USP22: variants seen among roughly 807,000 people sequenced by gnomAD.
The protein encoded by USP22 is ubiquitin carboxyl-terminal hydrolase 22.
USP22 carries 22 observed loss-of-function variants against 68.1 expected under a neutral mutation model. The observed-to-expected ratio is 0.32, with a 90% CI of 0.23 to 0.46. The LOEUF is 0.46. Among genes scored for constraint, USP22 ranks in the 20% least tolerant of loss-of-function variants. The pLI, the probability that USP22 is intolerant of heterozygous loss-of-function variation, is 1.00. For synonymous variants in USP22, 279 were observed against 274.2 expected, an observed-to-expected ratio of 1.02 and a Z score of -0.17; for missense variants, 433 against 695.8, an observed-to-expected ratio of 0.62 and a Z score of 4.25.
intron 2 of USP22, among the ~76,000 whole-genome samples, chr17:21,022,083 G>C (rs1046487688): frequency 1.3e-5 from 2 of 152,112 alleles, no homozygotes; most frequent in African/African-American, 4.8e-5. Context: ...CTGGGCAACA[G>C]AGTGAGACTC....
intron 2 of USP22, among the ~76,000 whole-genome samples, chr17:21,026,320 C>T (rs955478511): frequency 1.3e-5 from 2 of 151,988 alleles, no homozygotes; most frequent in African/African-American, 4.8e-5. Flanking sequence ...TGCCTTAAAT[C>T]GTCTCACTTC....
chr17:21,033,611 A>AGT (rs1401625581), intron 1 of USP22, among the ~76,000 whole-genome samples: 1 of 152,218 alleles, frequency 6.6e-6, no homozygotes, highest in African/African-American at 2.4e-5. Flanking sequence ...CTTAAGAGCT[A>AGT]GTGCACTTTT....
intron 4 of USP22, among the ~76,000 whole-genome samples, chr17:21,018,825 T>G (rs963275059): frequency 1.3e-5 from 2 of 152,126 alleles, no homozygotes; most frequent in Non-Finnish European, 2.9e-5. Flanking sequence ...CTGGCCAAAA[T>G]CAACTTGAGT....
intron 1 of USP22, among the ~76,000 whole-genome samples, chr17:21,032,039 A>G (rs1317720088): frequency 6.6e-6 from 1 of 152,242 alleles, no homozygotes; most frequent in African/African-American, 2.4e-5. Context: ...CTGCATGTAC[A>G]ATGGCGGTCC....
chr17:21,015,532 G>A (rs561847871), intron 6 of USP22: 2 of 585,286 alleles, frequency 3.4e-6, no homozygotes, highest in East Asian at 3.4e-5. Flanking sequence ...CATACTGCTG[G>A]AACTACTTCC....
At chr17:21,025,345 T>C (rs577180427) in intron 2 of USP22, among the ~76,000 whole-genome samples, 4 of 152,264 alleles carry the variant, frequency 2.6e-5, no homozygotes, top group East Asian at 3.9e-4. Context: ...CACACTATTA[T>C]GGGTATTAAA....
At chr17:21,006,222 A>AC (rs1480244103) in intron 10 of USP22, among the ~76,000 whole-genome samples, 1 of 152,232 alleles carries the variant, frequency 6.6e-6, no homozygotes, top group African/African-American at 2.4e-5. Context: ...CTGAATTCCA[A>AC]GTACCCCAGA....
intron 2 of USP22, among the ~76,000 whole-genome samples, chr17:21,021,514 C>G (rs1214202892): frequency 2.0e-5 from 3 of 152,166 alleles, no homozygotes; most frequent in Non-Finnish European, 4.4e-5. Flanking sequence ...CCTCTGCCAC[C>G]TTCTCTGAAT....
In USP22 at chr17:21,001,612, A is replaced by T. The variant is rs1913579404; in HGVS notation, c.*1419T>A. 1 of 152,018 alleles carries T rather than the reference A, an allele frequency of 6.6e-6. No individual in the cohort carries two copies. The highest frequency in any genetic ancestry group is 1.5e-5 in the Non-Finnish European group (1 of 68,024). 9.4% of individuals were successfully genotyped at this position (152,018 alleles called of 1,614,324 possible). On this transcript the variant is annotated 3_prime_UTR_variant, in exon 13 of 13. Coordinates refer to ENST00000261497, the MANE Select transcript of USP22 (RefSeq NM_015276.2). ...AGTGTTTACTCCCTGGCTGTCTATG[A>T]AAACATCTGCCCACCGCTGAGACAG...
rs148121418 is a variant in USP22 at position 21,003,684 on chromosome 17, C to T, written c.1535+518G>A. ...TGGGAGGCCAAGGCAGGAGGATTGC[C>T]TGAAGTCAGGAGTTTGAAACCAGCC... On this transcript the variant is annotated intron_variant, in intron 12 of 12. Coordinates refer to ENST00000261497, the MANE Select transcript of USP22 (RefSeq NM_015276.2). Among the ~76,000 whole-genome samples, 76 of 152,212 alleles carry T rather than the reference C, an allele frequency of 5.0e-4. No homozygotes were observed. In the East Asian group the frequency reaches 0.014, roughly 29 times the overall value.
In USP22 at chr17:21,006,090, A is replaced by T. The variant is rs1360970376; in HGVS notation, c.1322+806T>A. Among the ~76,000 whole-genome samples the T allele has an allele frequency of 2.6e-5, 4 of 152,142 alleles. 1 individual carries two copies. In the East Asian group the frequency reaches 5.8e-4, roughly 22 times the overall value. ...TTGTAGGACATGGAGCCCTGCCAAC[A>T]CCTTGATTTCAGATTTCCAACCTCT... On this transcript the variant is annotated intron_variant, in intron 10 of 12. Transcript: ENST00000261497.
At chr17:21,014,495 AAGGATCACGT>A (rs1452159888) in intron 6 of USP22, among the ~76,000 whole-genome samples, 1 of 152,210 alleles carries the variant, frequency 6.6e-6, no homozygotes, top group African/African-American at 2.4e-5. Context: ...TAAGAATTAA[AAGGATCACGT>A]AGTTTTTCAG....
intron 5 of USP22, among the ~76,000 whole-genome samples, chr17:21,016,871 C>T (rs1363939052): frequency 1.3e-5 from 2 of 152,162 alleles, no homozygotes; most frequent in Non-Finnish European, 2.9e-5. Context: ...CGTCGAAACT[C>T]ATCTATCTAT....
At chr17:21,017,822 T>C in intron 5 of USP22, 120 bp downstream of exon 5, 1 of 1,272,962 alleles carries the variant, frequency 7.9e-7, no homozygotes, top group South Asian at 1.5e-5. Flanking sequence ...TATTAAACAT[T>C]AACTTACTAC....
intron 4 of USP22, 156 bp from the exon 5 acceptor site, chr17:21,018,267 T>C (rs1218334780): frequency 1.9e-5 from 13 of 679,936 alleles, no homozygotes; most frequent in Non-Finnish European, 7.0e-6. Context: ...CTAGTTTTTA[T>C]GCCACTTTTA....
At chr17:21,010,180 A>G (rs560419388) in intron 8 of USP22, among the ~76,000 whole-genome samples, 7 of 152,094 alleles carry the variant, frequency 4.6e-5, no homozygotes, top group Admixed American at 3.9e-4. Flanking sequence ...CAAAATAAAC[A>G]TGCAACTTTG....
intron 11 of USP22, among the ~76,000 whole-genome samples, chr17:21,004,608 C>A (rs1913717111): frequency 6.6e-6 from 1 of 152,170 alleles, no homozygotes; most frequent in Non-Finnish European, 1.5e-5. Flanking sequence ...CAGTGGGGAT[C>A]CTGGAACACC....
intron 2 of USP22, among the ~76,000 whole-genome samples, 193 bp from the exon 3 acceptor site, chr17:21,021,419 A>G (rs1354220392): frequency 6.6e-6 from 1 of 152,228 alleles, no homozygotes; most frequent in African/African-American, 2.4e-5. Flanking sequence ...TGTGTTTGGC[A>G]GCTCATGCCC....
intron 1 of USP22, among the ~76,000 whole-genome samples, chr17:21,034,328 G>A (rs1394506253): frequency 6.6e-6 from 1 of 152,144 alleles, no homozygotes; most frequent in African/African-American, 2.4e-5. Context: ...TCCTTGGACA[G>A]GTCAGGAGAC....
Sources: gnomAD v4.1 joint callset for allele counts (sites outside exome capture counted in the v4.1 genomes callset) on GRCh38, gnomAD v4.1.1 for gene constraint, MANE v1.5 for transcripts, NCBI Gene and HGNC (gene_info 2026-07-23, HGNC 2026-07-21) for gene names.